NRG1: variants seen among roughly 807,000 people sequenced by gnomAD.
NRG1 encodes the protein pro-neuregulin-1, membrane-bound isoform.
In NRG1, 18 loss-of-function variants were observed where a neutral mutation model predicts 63.8. The ratio of observed to expected loss-of-function variants is 0.28; its 90% CI spans 0.19 to 0.42. The LOEUF is 0.42. Ranked by LOEUF, NRG1 falls within the 10% of genes least tolerant of loss-of-function variation. NRG1 has a pLI of 1.00. For missense variants in NRG1, 762 were observed against 814.7 expected, an observed-to-expected ratio of 0.94 and a Z score of 0.79; for synonymous variants, 302 against 301.3, an observed-to-expected ratio of 1.00 and a Z score of -0.02.
At chr8:32,533,005 CTACATGTTGATGTGACTTGCTGATGTT>C (rs1831605461) in intron 1 of NRG1, among the ~76,000 whole-genome samples, 1 of 151,024 alleles carries the variant, frequency 6.6e-6, no homozygotes, top group Non-Finnish European at 1.5e-5. Context: ...CCTTAGATTA[CTACATGTTGATGTGACTTGCTGATGTT>C]TCACCAAAAA....
intron 1 of NRG1, among the ~76,000 whole-genome samples, chr8:32,164,970 T>TAGAGGC (rs1198755512): frequency 2.0e-5 from 3 of 152,050 alleles, no homozygotes; most frequent in Non-Finnish European, 2.9e-5. Flanking sequence ...AGTATATAAA[T>TAGAGGC]AGAGGCACTA....
chr8:31,982,057 G>A (rs76363138), intron 1 of NRG1, among the ~76,000 whole-genome samples: 3,709 of 151,868 alleles, frequency 0.024, 170 homozygotes, highest in African/African-American at 0.082. Flanking sequence ...ATAAAGCTGT[G>A]GTCGCAGTCA....
At chr8:32,733,641 C>G (rs1203911155) in intron 6 of NRG1, among the ~76,000 whole-genome samples, 1 of 152,036 alleles carries the variant, frequency 6.6e-6, no homozygotes, top group Non-Finnish European at 1.5e-5. Flanking sequence ...GTTTATAGAA[C>G]AGCTATTTGC....
chr8:32,272,417 A>G (rs1851641324), intron 1 of NRG1, among the ~76,000 whole-genome samples: 1 of 152,194 alleles, frequency 6.6e-6, no homozygotes, highest in South Asian at 2.1e-4. Context: ...ATTGGGAGTT[A>G]GGGCTTCAAC....
intron 1 of NRG1, among the ~76,000 whole-genome samples, chr8:32,140,233 G>A (rs555943701): frequency 1.3e-5 from 2 of 152,184 alleles, no homozygotes; most frequent in Admixed American, 6.5e-5. Context: ...TTTAATGTCT[G>A]CAATGTCATT....
At chr8:32,130,496 G>C (rs1834669022) in intron 1 of NRG1, among the ~76,000 whole-genome samples, 1 of 151,836 alleles carries the variant, frequency 6.6e-6, no homozygotes, top group African/African-American at 2.4e-5. Context: ...ACTGAGGTCA[G>C]GATTTAATTC....
chr8:32,104,929 A>G (rs145498594), intron 1 of NRG1, among the ~76,000 whole-genome samples: 37 of 152,154 alleles, frequency 2.4e-4, no homozygotes, highest in Middle Eastern at 3.4e-3. Context: ...TTAATAAAAA[A>G]TACATGTAGA....
intron 1 of NRG1, among the ~76,000 whole-genome samples, chr8:32,082,201 G>GTT (rs1289000648): frequency 2.4e-4 from 3 of 12,702 alleles, no homozygotes; most frequent in African/African-American, 3.1e-4. Flanking sequence ...TCAACCTAGT[G>GTT]GTTTTTTTTT....
At chr8:31,802,639 G>A (rs920900020) in intron 1 of NRG1, among the ~76,000 whole-genome samples, 3 of 152,094 alleles carry the variant, frequency 2.0e-5, no homozygotes, top group African/African-American at 7.2e-5. Flanking sequence ...ACATCCTACT[G>A]GGCATAATTC....
At chr8:31,994,995 G>A (rs1489184891) in intron 1 of NRG1, among the ~76,000 whole-genome samples, 1 of 151,950 alleles carries the variant, frequency 6.6e-6, no homozygotes, top group Non-Finnish European at 1.5e-5. Flanking sequence ...TGGTTTAACT[G>A]AGCAATTTCT....
chr8:32,334,849 G>A (rs1803060642), intron 1 of NRG1, among the ~76,000 whole-genome samples: 2 of 152,144 alleles, frequency 1.3e-5, no homozygotes, highest in Admixed American at 1.3e-4. Context: ...TAACAAAGAG[G>A]AAAATACAAA....
chr8:31,956,040 C>CAAAAA (rs11386219), intron 1 of NRG1, among the ~76,000 whole-genome samples: 1 of 128,118 alleles, frequency 7.8e-6, no homozygotes, highest in African/African-American at 3.6e-5. Context: ...GAACCTGTCT[C>CAAAAA]AAAAAAAAAA....
At chr8:32,466,032 C>G (rs973349673) in intron 1 of NRG1, among the ~76,000 whole-genome samples, 4 of 152,074 alleles carry the variant, frequency 2.6e-5, no homozygotes, top group African/African-American at 9.7e-5. Context: ...TCAAAACTTT[C>G]ATTAATGAGC....
intron 1 of NRG1, among the ~76,000 whole-genome samples, chr8:32,367,999 C>T (rs1808310893): frequency 6.6e-6 from 1 of 152,116 alleles, no homozygotes; most frequent in South Asian, 2.1e-4. Flanking sequence ...GCATTTATTT[C>T]TAGGTTCTCT....
At chr8:32,647,697 CCTT>C (rs1385846228) in intron 5 of NRG1, 2 of 1,531,678 alleles carry the variant, frequency 1.3e-6, no homozygotes, top group Non-Finnish European at 1.8e-6. Flanking sequence ...AGCGGCCAGG[CCTT>C]CTTCTGGAGG....
intron 1 of NRG1, among the ~76,000 whole-genome samples, chr8:32,425,303 G>T (rs563780439): frequency 6.6e-6 from 1 of 152,314 alleles, no homozygotes; most frequent in South Asian, 2.1e-4. Flanking sequence ...AATAGCTGTA[G>T]TAGAGTCCTA....
intron 1 of NRG1, among the ~76,000 whole-genome samples, chr8:32,312,709 T>G (rs938672034): frequency 2.6e-5 from 4 of 152,040 alleles, no homozygotes; most frequent in African/African-American, 9.7e-5. Context: ...CAGTGATCTT[T>G]AATCATTTGT....
intron 1 of NRG1, among the ~76,000 whole-genome samples, chr8:32,148,236 G>A (rs79343427): frequency 0.04 from 6,105 of 152,096 alleles, 185 homozygotes; most frequent in Middle Eastern, 0.092. Flanking sequence ...ATTTATCCAG[G>A]TAGACACAGC....
chr8:32,449,260 A>G (rs1479810497), intron 1 of NRG1, among the ~76,000 whole-genome samples: 1 of 152,038 alleles, frequency 6.6e-6, no homozygotes, highest in Non-Finnish European at 1.5e-5. Flanking sequence ...GTGCACCACC[A>G]TACTCTAGCC....
Sources: gnomAD v4.1 joint callset for allele counts (sites outside exome capture counted in the v4.1 genomes callset) on GRCh38, gnomAD v4.1.1 for gene constraint, MANE v1.5 for transcripts, NCBI Gene and HGNC (gene_info 2026-07-23, HGNC 2026-07-21) for gene names.